PRPF38B: variants seen among roughly 807,000 people sequenced by gnomAD.
PRPF38B encodes the protein pre-mRNA-splicing factor 38B.
Under a neutral mutation model 67.2 loss-of-function variants are expected in PRPF38B, and 18 were observed. The observed-to-expected ratio is 0.27, with a 90% CI of 0.19 to 0.40. The LOEUF (loss-of-function observed/expected upper bound fraction) is 0.40, where lower values mean the gene tolerates loss of function less well. Among genes scored for constraint, PRPF38B ranks in the 10% least tolerant of loss-of-function variants. The probability of loss-of-function intolerance (pLI) is 1.00; values close to 1 mark genes in which losing one functional copy is unlikely to be tolerated. For synonymous variants in PRPF38B, 246 were observed against 234.2 expected, an observed-to-expected ratio of 1.05 and a Z score of -0.46; for missense variants, 544 against 684.9, an observed-to-expected ratio of 0.79 and a Z score of 2.30.
intron 1 of PRPF38B, among the ~76,000 whole-genome samples, chr1:108,693,103 C>A (rs1233346559): frequency 1.3e-5 from 2 of 152,220 alleles, no homozygotes; most frequent in Admixed American, 6.5e-5. Context: ...CTCTCCTCCC[C>A]CAACCTCCTG....
In PRPF38B at chr1:108,700,237, G is replaced by A; in HGVS notation, c.*217G>A. Reference sequence around the variant, plus strand: ...AAGTTTGATACATGATGCACAGATTGTTCTTGCATTTTTATTGTTTGTTTT... The same window carrying A: ...AAGTTTGATACATGATGCACAGATTATTCTTGCATTTTTATTGTTTGTTTT... On this transcript the variant is annotated 3_prime_UTR_variant, in exon 6 of 6. Coordinates refer to ENST00000370025, the MANE Select transcript of PRPF38B (RefSeq NM_018061.4). 1.4e-6 allele frequency: 1 copy of A among 729,360 alleles called. No homozygotes were observed. Among genetic ancestry groups the A allele is most frequent in the South Asian group, 3.7e-5 (1 of 27,108 alleles). The allele number at this position is 729,360 out of a possible 1,614,324, so 45.2% of individuals were successfully genotyped here. A position where few individuals can be genotyped will look rare whatever the true frequency, so the allele number is the denominator to read the frequency against.
chr1:108,699,113 G>A (rs754687613), intron 5 of PRPF38B, 49 bp from the exon 6 acceptor site: 3 of 1,539,494 alleles, frequency 1.9e-6, no homozygotes, highest in Non-Finnish European at 2.6e-6. Flanking sequence ...GAAAAGAATT[G>A]CATATGTTTT....
At chr1:108,696,568 T>C (rs183676704) in intron 4 of PRPF38B, 2 of 605,888 alleles carry the variant, frequency 3.3e-6, no homozygotes, top group Admixed American at 6.5e-5. Flanking sequence ...ATGTGTTTGG[T>C]AACTATTGGA....
rs780862617 is a variant in PRPF38B at position 108,699,657 on chromosome 1, TAGAAGC to T, written c.1288_1293del (p.Ser430_Arg431del). On this transcript the variant is annotated inframe_deletion, in exon 6 of 6. Coordinates refer to ENST00000370025, the MANE Select transcript of PRPF38B (RefSeq NM_018061.4). ...ATTCCAAGAAAGAGAAAAAACACAG[TAGAAGC>T]AGAAGCAGAGAAAGGAAACACAGAA... 5.8e-6 allele frequency: 9 copies of T among 1,561,258 alleles called. No individual in the cohort carries two copies. Among genetic ancestry groups the T allele is most frequent in the Middle Eastern group, 1.7e-4 (1 of 5,974 alleles).
chr1:108,698,729 T>G lies in PRPF38B; in HGVS notation c.684T>G (p.Asn228Lys). ...GAATTCCAGTTCCAGTTCAAAAGAA[T>G]ATTGATCAACAGATTAAAACCCGAC... ...FPRIPVPVQKNIDQQIKTRPR... is the reference protein window; with the variant it reads ...FPRIPVPVQKKIDQQIKTRPR... The change falls in exon 5 of 6, where the codon AAT becomes AAG. Residue 228 changes from asparagine to lysine, a missense_variant. Transcript: ENST00000370025. 1 of 1,613,910 alleles carries G rather than the reference T, an allele frequency of 6.2e-7. No individual in the cohort carries two copies. Among genetic ancestry groups the G allele is most frequent in the Non-Finnish European group, 8.5e-7 (1 of 1,179,904 alleles).
rs992148076 is a variant in PRPF38B, at chr1:108,702,920, G to T, written c.*2900G>T. 1.1e-4 allele frequency among the ~76,000 whole-genome samples: 17 copies of T among 152,000 alleles called. No individual in the cohort carries two copies. Among genetic ancestry groups the T allele is most frequent in the Admixed American group, 3.3e-4 (5 of 15,264 alleles). On this transcript the variant is annotated 3_prime_UTR_variant, in exon 6 of 6. Coordinates refer to ENST00000370025, the MANE Select transcript of PRPF38B (RefSeq NM_018061.4). The stretch of plus-strand genomic sequence containing the variant: ...CAATTTGCAATTAAATTCTATACAT[G>T]GGCGAGTATATCATCAATCTTAAAC...
At chr1:108,694,122 C>A (rs923917969) in intron 1 of PRPF38B, among the ~76,000 whole-genome samples, 2 of 152,172 alleles carry the variant, frequency 1.3e-5, no homozygotes, top group African/African-American at 4.8e-5. Context: ...TGATAAAGTA[C>A]ACAAATAAAT....
rs770758206 is a variant in PRPF38B at position 108,702,349 on chromosome 1, C to T, written c.*2329C>T. On this transcript the variant is annotated 3_prime_UTR_variant, in exon 6 of 6. Coordinates refer to ENST00000370025, the MANE Select transcript of PRPF38B (RefSeq NM_018061.4). ...ATGTTGCCCAGGCTGGTCTTGAACT[C>T]CTGGCCTCAAGTGATCCACCCACCT... is the stretch of plus-strand genomic sequence containing the variant. 2.6e-5 allele frequency among the ~76,000 whole-genome samples: 4 copies of T among 152,162 alleles called. No homozygotes were observed. The highest frequency in any genetic ancestry group is 2.1e-4 in the South Asian group (1 of 4,830).
At chr1:108,699,098 A>G in intron 5 of PRPF38B, 64 bp from the exon 6 acceptor site, 1 of 1,527,470 alleles carries the variant, frequency 6.5e-7, no homozygotes, top group African/African-American at 1.4e-5. Flanking sequence ...TGAAAGTTTT[A>G]CTGTGAAAAG....
rs545897224 is a variant in PRPF38B, at chr1:108,693,732, A to G, written c.276+865A>G. 3.8e-5 allele frequency: 29 copies of G among 765,576 alleles called. No individual in the cohort carries two copies. In the South Asian group the frequency reaches 1.4e-3, roughly 38 times the overall value. The allele number at this position is 765,576 out of a possible 1,614,324, so 47.4% of individuals were successfully genotyped here. ...TAGATTTTTGTGGGTTTTTTTGGCCATTGCTTTTGGTCCTTCACCAATTAG... is the reference window on the plus strand; with the variant it reads ...TAGATTTTTGTGGGTTTTTTTGGCCGTTGCTTTTGGTCCTTCACCAATTAG... On this transcript the variant is annotated intron_variant, in intron 1 of 5. Transcript: ENST00000370025.
intron 5 of PRPF38B, 84 bp downstream of exon 5, chr1:108,698,911 A>C (rs1218308475): frequency 7.4e-7 from 1 of 1,355,052 alleles, no homozygotes; most frequent in Non-Finnish European, 9.9e-7. Flanking sequence ...AGTTCTTAGG[A>C]ATTTGTTTTT....
At chr1:108,696,747 C>T (rs199648109) in intron 4 of PRPF38B, 1 of 716,836 alleles carries the variant, frequency 1.4e-6, no homozygotes, top group Non-Finnish European at 2.6e-6. Flanking sequence ...CAGTTCTTCA[C>T]CCTCTAGCTT....
intron 4 of PRPF38B, chr1:108,696,575 T>C (rs1007503957): frequency 5.0e-6 from 3 of 605,862 alleles, no homozygotes; most frequent in South Asian, 2.2e-5. Flanking sequence ...TGGTAACTAT[T>C]GGAAAATTTT....
chr1:108,698,876 A>C (rs760631947), intron 5 of PRPF38B, 49 bp downstream of exon 5: 3 of 1,491,660 alleles, frequency 2.0e-6, no homozygotes, highest in African/African-American at 1.4e-5. Context: ...GCTTTATACA[A>C]AATTAATGGT....
chr1:108,695,750 C>T lies in PRPF38B; in HGVS notation c.325C>T (p.Gln109Ter), dbSNP rs1659803417. 6.2e-7 allele frequency: 1 copy of T among 1,613,900 alleles called. No individual in the cohort carries two copies. Among genetic ancestry groups the T allele is most frequent in the Non-Finnish European group, 8.5e-7 (1 of 1,179,852 alleles). Residue 109 changes from glutamine to a stop codon, truncating the protein, a stop_gained, in exon 2 of 6, where the codon CAG becomes TAG. Coordinates refer to ENST00000370025, the MANE Select transcript of PRPF38B (RefSeq NM_018061.4). LOFTEE classifies it high-confidence loss of function. ...WEKGSRKTAGQTGMCGGVRGV... is the reference protein window; with the variant it reads ...WEKGSRKTAG ...GAAAGGAAGCAGGAAAACAGCGGGC[C>T]AGACAGGGATGTGCGGAGGGGTAAG...
chr1:108,693,101 C>T (rs1349387955), intron 1 of PRPF38B, among the ~76,000 whole-genome samples: 2 of 152,220 alleles, frequency 1.3e-5, no homozygotes, highest in African/African-American at 4.8e-5. Flanking sequence ...CTCTCTCCTC[C>T]CCCAACCTCC....
At chr1:108,696,701 A>G in intron 4 of PRPF38B, 1 of 716,098 alleles carries the variant, frequency 1.4e-6, no homozygotes, top group African/African-American at 1.7e-5. Flanking sequence ...TGCACATAGA[A>G]TACTAATTGT....
intron 1 of PRPF38B, among the ~76,000 whole-genome samples, chr1:108,694,770 AAAAC>A (rs1483926731): frequency 8.5e-5 from 13 of 152,304 alleles, no homozygotes; most frequent in African/African-American, 2.2e-4. Flanking sequence ...TTTTTAAAAA[AAAAC>A]AAAGATGGGT....
In PRPF38B at chr1:108,692,340, G is replaced by A; in HGVS notation, c.-252G>A. ...GTTCCCAGGGGCAGTTGGCGGAAGA[G>A]ATCGAGCTCCCTGGCTGCCGGCTCG... is the stretch of plus-strand genomic sequence containing the variant. On this transcript the variant is annotated 5_prime_UTR_variant, in exon 1 of 6. Transcript: ENST00000370025. 1.8e-6 allele frequency: 1 copy of A among 548,282 alleles called. No homozygotes were observed. Among genetic ancestry groups the A allele is most frequent in the Non-Finnish European group, 3.2e-6 (1 of 308,790 alleles). The allele number at this position is 548,282 out of a possible 1,614,324, so 34.0% of individuals were successfully genotyped here.
Sources: gnomAD v4.1 joint callset for allele counts (sites outside exome capture counted in the v4.1 genomes callset) on GRCh38, gnomAD v4.1.1 for gene constraint, MANE v1.5 for transcripts, NCBI Gene and HGNC (gene_info 2026-07-23, HGNC 2026-07-21) for gene names.